RALYL: variants seen among roughly 807,000 people sequenced by gnomAD.
The protein encoded by RALYL is RNA-binding Raly-like protein.
RALYL carries 29 observed loss-of-function variants against 35.1 expected under a neutral mutation model. The ratio of observed to expected loss-of-function variants is 0.83; its 90% CI spans 0.61 to 1.13. The LOEUF (loss-of-function observed/expected upper bound fraction) is 1.13, where lower values mean the gene tolerates loss of function less well. RALYL is among the 50% of genes most tolerant of loss of function. RALYL has a pLI of 0.00. For synonymous variants in RALYL, 120 were observed against 127.6 expected (o/e 0.94, Z 0.40); for missense variants, 359 against 360.4 (o/e 1.00, Z 0.03).
intron 1 of RALYL, among the ~76,000 whole-genome samples, chr8:84,468,745 A>G (rs1336704148): frequency 6.6e-6 from 1 of 151,568 alleles, no homozygotes; most frequent in Non-Finnish European, 1.5e-5. Context: ...GTGTTTTCCA[A>G]CTTGGTTCCA....
In RALYL at chr8:84,718,486, G is replaced by A. The variant is rs561607719; in HGVS notation, c.257-56093G>A. Among the ~76,000 whole-genome samples, 9 of 152,112 alleles carry A rather than the reference G, an allele frequency of 5.9e-5. No homozygotes were observed. In the South Asian group the frequency reaches 8.3e-4, roughly 14 times the overall value. On this transcript the variant is annotated intron_variant, in intron 2 of 8. Transcript: ENST00000521268. ...GTATGTTAAGAAACATTCTCTGGCC[G>A]GGCGCGGTGGCTCATGCCTGTAATC...
intron 2 of RALYL, among the ~76,000 whole-genome samples, chr8:84,595,534 G>C (rs1202094180): frequency 6.6e-6 from 1 of 152,058 alleles, no homozygotes; most frequent in Non-Finnish European, 1.5e-5. Flanking sequence ...TGTGCCCTTG[G>C]GTAACTTTAA....
chr8:84,272,930 A>G (rs1335447122), intron 1 of RALYL, among the ~76,000 whole-genome samples: 1 of 152,226 alleles, frequency 6.6e-6, no homozygotes, highest in Non-Finnish European at 1.5e-5. Context: ...AAACATAGAC[A>G]TAGATACATG....
chr8:84,776,769 A>T (rs1816943302), intron 3 of RALYL, among the ~76,000 whole-genome samples: 1 of 152,194 alleles, frequency 6.6e-6, no homozygotes, highest in Non-Finnish European at 1.5e-5. Context: ...AGCTCATGAC[A>T]TGAATGTCAT....
At chr8:84,402,140 A>G (rs1034269526) in intron 1 of RALYL, among the ~76,000 whole-genome samples, 1 of 152,194 alleles carries the variant, frequency 6.6e-6, no homozygotes, top group Admixed American at 6.5e-5. Context: ...AAGGGCCAAG[A>G]CATATCACTT....
chr8:84,410,861 A>T (rs2044029065), intron 1 of RALYL, among the ~76,000 whole-genome samples: 1 of 151,812 alleles, frequency 6.6e-6, no homozygotes, highest in Non-Finnish European at 1.5e-5. Flanking sequence ...AAGAGTTTAT[A>T]TTCTGCTTGA....
At chr8:84,673,295 A>G (rs1833604619) in intron 2 of RALYL, among the ~76,000 whole-genome samples, 6 of 152,198 alleles carry the variant, frequency 3.9e-5, no homozygotes, top group Admixed American at 3.9e-4. Flanking sequence ...GTAAACTGCA[A>G]AAATTTTCTC....
intron 2 of RALYL, among the ~76,000 whole-genome samples, chr8:84,589,310 ATGTAGCTTTTTTCTTAC>A (rs1361818061): frequency 6.6e-6 from 1 of 152,206 alleles, no homozygotes. Flanking sequence ...TAGGAGAAAA[ATGTAGCTTTTTTCTTAC>A]TGTATCCTGT....
intron 2 of RALYL, among the ~76,000 whole-genome samples, chr8:84,649,518 C>G (rs995773624): frequency 1.3e-5 from 2 of 151,938 alleles, no homozygotes; most frequent in African/African-American, 2.4e-5. Context: ...GTTTTCCCAG[C>G]ACCATTTATT....
chr8:84,440,503 A>C (rs1311148672), intron 1 of RALYL, among the ~76,000 whole-genome samples: 1 of 152,018 alleles, frequency 6.6e-6, no homozygotes, highest in Non-Finnish European at 1.5e-5. Context: ...AAATGCAGCA[A>C]CTCTTATAAT....
intron 5 of RALYL, among the ~76,000 whole-genome samples, chr8:84,859,958 T>C (rs570517948): frequency 3.8e-4 from 58 of 152,286 alleles, no homozygotes; most frequent in Non-Finnish European, 6.8e-4. Flanking sequence ...GAAAGTTGTT[T>C]AGTAAAGTAC....
intron 2 of RALYL, among the ~76,000 whole-genome samples, chr8:84,663,098 C>A (rs532862553): frequency 2.6e-5 from 4 of 152,094 alleles, no homozygotes; most frequent in Non-Finnish European, 5.9e-5. Context: ...GTTTTCTGTT[C>A]CTGTGTTAGT....
chr8:84,407,031 T>A (rs1293918136), intron 1 of RALYL, among the ~76,000 whole-genome samples: 1 of 147,970 alleles, frequency 6.8e-6, no homozygotes, highest in East Asian at 1.9e-4. Context: ...TATATATATA[T>A]ATATACACAC....
intron 2 of RALYL, among the ~76,000 whole-genome samples, chr8:84,537,920 A>T (rs1003370465): frequency 6.6e-6 from 1 of 152,232 alleles, no homozygotes; most frequent in Admixed American, 6.5e-5. Context: ...GTTTGTATGT[A>T]TGTATGTATA....
intron 3 of RALYL, among the ~76,000 whole-genome samples, chr8:84,784,902 C>A (rs1387972591): frequency 1.3e-5 from 2 of 152,078 alleles, no homozygotes; most frequent in African/African-American, 4.8e-5. Flanking sequence ...TTCTAAATTT[C>A]TTTCTAGTGG....
intron 1 of RALYL, among the ~76,000 whole-genome samples, chr8:84,407,340 A>G (rs1327108461): frequency 2.6e-5 from 4 of 152,218 alleles, no homozygotes; most frequent in Non-Finnish European, 5.9e-5. Flanking sequence ...TTAAGAGAAT[A>G]TGAAAGCAGT....
chr8:84,353,560 AT>A (rs1195956301), intron 1 of RALYL, among the ~76,000 whole-genome samples: 1 of 150,230 alleles, frequency 6.7e-6, no homozygotes, highest in Admixed American at 6.6e-5. Context: ...TTTTCATCAA[AT>A]TTCTACTTTT....
chr8:84,288,633 A>C (rs1332363527), intron 1 of RALYL, among the ~76,000 whole-genome samples: 1 of 152,164 alleles, frequency 6.6e-6, no homozygotes, highest in African/African-American at 2.4e-5. Context: ...ATAATAATTC[A>C]CTAACAGATG....
intron 1 of RALYL, among the ~76,000 whole-genome samples, chr8:84,261,508 TTA>T (rs1253422823): frequency 1.3e-5 from 2 of 152,168 alleles, no homozygotes; most frequent in African/African-American, 4.8e-5. Context: ...TCTGCCATGA[TTA>T]TATGTTTCCT....
Sources: gnomAD v4.1 joint callset for allele counts (sites outside exome capture counted in the v4.1 genomes callset) on GRCh38, gnomAD v4.1.1 for gene constraint, MANE v1.5 for transcripts, NCBI Gene and HGNC (gene_info 2026-07-23, HGNC 2026-07-21) for gene names.